The following CDH13 variants were observed in gnomAD, a reference collection of about 807,000 sequenced individuals.
CDH13 encodes the protein cadherin-13.
CDH13 carries 24 observed loss-of-function variants against 63.8 expected under a neutral mutation model. The observed-to-expected ratio is 0.38, with a 90% CI of 0.27 to 0.53. The LOEUF is 0.53. Ranked by LOEUF, CDH13 falls within the 20% of genes least tolerant of loss-of-function variation. The pLI is 0.85. For synonymous variants in CDH13, 503 were observed against 355.3 expected (o/e 1.42, Z -4.67); for missense variants, 1,049 against 903.1 (o/e 1.16, Z -2.07).
chr16:82,855,806 C>G (rs1265907907), intron 1 of CDH13, among the ~76,000 whole-genome samples: 5 of 152,282 alleles, frequency 3.3e-5, no homozygotes, highest in African/African-American at 1.2e-4. Context: ...GCCAGCCACA[C>G]GGTGAACCTC....
chr16:83,243,591 C>T (rs189356092), intron 5 of CDH13, among the ~76,000 whole-genome samples: 234 of 152,230 alleles, frequency 1.5e-3, no homozygotes, highest in Middle Eastern at 6.8e-3. Flanking sequence ...GTACAGGGGG[C>T]TGGGAGATTC....
intron 2 of CDH13, among the ~76,000 whole-genome samples, chr16:82,977,011 T>C (rs1226570380): frequency 6.6e-6 from 1 of 152,172 alleles, no homozygotes; most frequent in African/African-American, 2.4e-5. Flanking sequence ...CCCCAACAAA[T>C]GGTGCTAGGA....
Position 82,847,400 on chromosome 16 carries a change from G to A in CDH13, c.46-10962G>A, listed in dbSNP as rs1046772642. 9.9e-5 allele frequency among the ~76,000 whole-genome samples: 15 copies of A among 152,228 alleles called. No individual in the cohort carries two copies. In the South Asian group the frequency reaches 2.3e-3, roughly 23 times the overall value. ...TTTATGCCATCTCCAGTTTCTAGGG[G>A]CCACCCACATTCCTTGACTCCTGGC... On this transcript the variant is annotated intron_variant, in intron 1 of 13. Transcript: ENST00000567109.
intron 11 of CDH13, among the ~76,000 whole-genome samples, chr16:83,752,796 C>A (rs2150977915): frequency 6.6e-6 from 1 of 152,324 alleles, no homozygotes; most frequent in African/African-American, 2.4e-5. Context: ...GAGTGAAGTG[C>A]TGTACCCTCT....
At chr16:83,620,847 G>A (rs887423298) in intron 8 of CDH13, among the ~76,000 whole-genome samples, 3 of 152,120 alleles carry the variant, frequency 2.0e-5, no homozygotes, top group Non-Finnish European at 2.9e-5. Flanking sequence ...TATCAAGAAC[G>A]GCAATTGTGT....
chr16:82,811,698 T>G (rs896914024), intron 1 of CDH13, among the ~76,000 whole-genome samples: 1 of 152,098 alleles, frequency 6.6e-6, no homozygotes, highest in Non-Finnish European at 1.5e-5. Context: ...TGCCATGGTG[T>G]CTTGTATTCC....
intron 3 of CDH13, among the ~76,000 whole-genome samples, chr16:83,088,777 T>C (rs183623726): frequency 1.3e-5 from 2 of 152,358 alleles, no homozygotes; most frequent in Admixed American, 1.3e-4. Context: ...AAATGAGCTT[T>C]ATGGTAATTT....
intron 7 of CDH13, among the ~76,000 whole-genome samples, chr16:83,505,590 C>G (rs1316132491): frequency 1.6e-5 from 2 of 126,302 alleles, no homozygotes; most frequent in Non-Finnish European, 3.1e-5. Context: ...GTTGCCCAGG[C>G]TGGAGTGCAA....
intron 3 of CDH13, among the ~76,000 whole-genome samples, chr16:83,086,894 G>C (rs879711989): frequency 7.9e-5 from 12 of 152,134 alleles, no homozygotes; most frequent in Non-Finnish European, 1.3e-4. Context: ...TTGGCAGAAA[G>C]AACGAGAGCA....
chr16:83,546,814 C>G (rs1395266366), intron 7 of CDH13, among the ~76,000 whole-genome samples: 1 of 152,344 alleles, frequency 6.6e-6, no homozygotes, highest in Admixed American at 6.5e-5. Context: ...TGCCACTAGA[C>G]AGAGGGCACT....
chr16:83,278,701 C>G (rs547530858), intron 5 of CDH13, among the ~76,000 whole-genome samples: 4 of 152,168 alleles, frequency 2.6e-5, no homozygotes, highest in African/African-American at 9.7e-5. Context: ...TTTCATATGT[C>G]AGCAGAGAAG....
rs146224441 is a variant in CDH13 at position 82,968,485 on chromosome 16, C to G, written c.158-63525C>G. Among the ~76,000 whole-genome samples, 43 of 152,248 alleles carry G rather than the reference C, an allele frequency of 2.8e-4. No individual in the cohort carries two copies. In the East Asian group the frequency reaches 8.1e-3, roughly 29 times the overall value. ...TTCTCCTAAGAAGCATACTCATGGC[C>G]CTGCCAGCGGCTTGGAGACATAAGG... On this transcript the variant is annotated intron_variant, in intron 2 of 13. Coordinates refer to ENST00000567109, the MANE Select transcript of CDH13 (RefSeq NM_001257.5).
Position 83,064,283 on chromosome 16 carries a change from C to T in CDH13, c.366+32065C>T, listed in dbSNP as rs995749124. 6.6e-5 allele frequency among the ~76,000 whole-genome samples: 10 copies of T among 152,230 alleles called. No individual in the cohort carries two copies. In the East Asian group the frequency reaches 1.5e-3, roughly 24 times the overall value. On this transcript the variant is annotated intron_variant, in intron 3 of 13. Transcript: ENST00000567109. ...ATTCAAGAGGCTGAGATAGGAAAAT[C>T]GCTTGAACCCGGGAGGTGGAGGTCG...
chr16:83,624,269 CTT>C (rs903561847), intron 8 of CDH13, among the ~76,000 whole-genome samples: 2 of 151,564 alleles, frequency 1.3e-5, no homozygotes, highest in African/African-American at 4.9e-5. Flanking sequence ...CATAGAAAGA[CTT>C]TTGGTCTCTC....
At chr16:82,919,460 A>G (rs2042089173) in intron 2 of CDH13, among the ~76,000 whole-genome samples, 1 of 152,006 alleles carries the variant, frequency 6.6e-6, no homozygotes, top group South Asian at 2.1e-4. Context: ...AACTTGTGGT[A>G]TTTGGTTTTC....
At chr16:82,721,950 G>A (rs778156824) in intron 1 of CDH13, among the ~76,000 whole-genome samples, 4 of 152,084 alleles carry the variant, frequency 2.6e-5, no homozygotes, top group Non-Finnish European at 5.9e-5. Context: ...TGTAGTTGGG[G>A]CGTGTCACAT....
chr16:82,912,392 T>C (rs1397046677), intron 2 of CDH13, among the ~76,000 whole-genome samples: 2 of 152,200 alleles, frequency 1.3e-5, no homozygotes, highest in African/African-American at 4.8e-5. Context: ...TCCATGGTTG[T>C]AGAGTTCAGA....
chr16:83,232,217 T>TTC (rs1172687485), intron 5 of CDH13, among the ~76,000 whole-genome samples: 1 of 109,252 alleles, frequency 9.2e-6, no homozygotes, highest in African/African-American at 3.1e-5. Context: ...TTCTTTTTTT[T>TTC]TTTTTTTTTT....
intron 4 of CDH13, among the ~76,000 whole-genome samples, chr16:83,145,080 T>C (rs887667934): frequency 1.3e-5 from 2 of 152,200 alleles, no homozygotes; most frequent in Non-Finnish European, 2.9e-5. Flanking sequence ...ATATTCAATT[T>C]TGGGTCTCCA....
Sources: gnomAD v4.1 joint callset for allele counts (sites outside exome capture counted in the v4.1 genomes callset) on GRCh38, gnomAD v4.1.1 for gene constraint, MANE v1.5 for transcripts, NCBI Gene and HGNC (gene_info 2026-07-23, HGNC 2026-07-21) for gene names.